LY75: variants seen among roughly 807,000 people sequenced by gnomAD.
LY75 encodes lymphocyte antigen 75.
A neutral mutation model predicts 231.7 loss-of-function variants in LY75; 185 were observed. The ratio of observed to expected loss-of-function variants is 0.80; its 90% confidence interval spans 0.71 to 0.90. The LOEUF (loss-of-function observed/expected upper bound fraction) is 0.90, where lower values mean the gene tolerates loss of function less well. LY75 is among the 40% of genes least tolerant of loss of function. The pLI, the probability that LY75 is intolerant of heterozygous loss-of-function variation, is 0.00. For synonymous variants in LY75, 668 were observed against 689.0 expected (o/e 0.97, Z 0.48); for missense variants, 1,947 against 2,050.2 (o/e 0.95, Z 0.97).
chr2:159,857,362 A>G (rs1176301086), intron 16 of LY75, among the ~76,000 whole-genome samples: 1 of 152,180 alleles, frequency 6.6e-6, no homozygotes, highest in Admixed American at 6.5e-5. Flanking sequence ...AGTTTCAATG[A>G]TCTGTTTACA....
At chr2:159,862,649 T>C (rs1345589549) in intron 14 of LY75, among the ~76,000 whole-genome samples, 2 of 144,776 alleles carry the variant, frequency 1.4e-5, no homozygotes, top group Non-Finnish European at 3.0e-5. Context: ...ATTTTAATGG[T>C]TGTATGATAC....
chr2:159,816,744 C>CA, intron 30 of LY75, 62 bp downstream of exon 30: 1 of 1,593,716 alleles, frequency 6.3e-7, no homozygotes. Context: ...ACTTTACGCT[C>CA]AAATTTCTAA....
At chr2:159,858,255 C>T (rs556428045) in intron 16 of LY75, 107 bp downstream of exon 16, 9 of 1,390,144 alleles carry the variant, frequency 6.5e-6, no homozygotes, top group African/African-American at 4.4e-5. Context: ...TCATCATAGG[C>T]TTTTAGACAT....
chr2:159,858,532 C>G, intron 15 of LY75, 56 bp from the exon 16 acceptor site: 2 of 1,544,130 alleles, frequency 1.3e-6, no homozygotes, highest in Non-Finnish European at 1.7e-6. Flanking sequence ...CCTTATGGAA[C>G]ACTAAACTGT....
intron 3 of LY75, among the ~76,000 whole-genome samples, chr2:159,893,491 A>G (rs758278964): frequency 6.6e-6 from 1 of 152,130 alleles, no homozygotes; most frequent in East Asian, 1.9e-4. Context: ...ATTTGTTGCA[A>G]TTTTGTCCTT....
chr2:159,810,623 CTCTT>C lies in LY75; in HGVS notation c.4598_4601del (p.Lys1533ArgfsTer42), dbSNP rs779850020. ...TGTACTGGATCCACCGTGACCCATT[CTCTT>C]TTGCTGCTGGACATCTTGATGAATA... is the stretch of plus-strand genomic sequence containing the variant. On this transcript the variant is annotated frameshift_variant, in exon 32 of 35. Coordinates refer to ENST00000263636, the MANE Select transcript of LY75 (RefSeq NM_002349.4). LOFTEE classifies it high-confidence loss of function. The C allele has an allele frequency of 2.5e-6, 4 of 1,614,058 alleles. No individual in the cohort carries two copies. In the African/African-American group the frequency reaches 5.3e-5, roughly 22 times the overall value.
chr2:159,892,093 T>C (rs1685776818), intron 3 of LY75, among the ~76,000 whole-genome samples: 1 of 152,150 alleles, frequency 6.6e-6, no homozygotes, highest in East Asian at 1.9e-4. Flanking sequence ...ACCTGGAAAC[T>C]TGCCAAATTT....
At chr2:159,820,516 T>C (rs1683253936) in intron 28 of LY75, among the ~76,000 whole-genome samples, 1 of 151,964 alleles carries the variant, frequency 6.6e-6, no homozygotes, top group Admixed American at 6.6e-5. Flanking sequence ...TACAATAGAC[T>C]CTGGGAACTC....
intron 28 of LY75, 98 bp from the exon 29 acceptor site, chr2:159,820,018 T>G (rs1442185634): frequency 4.1e-6 from 5 of 1,227,908 alleles, no homozygotes; most frequent in Non-Finnish European, 5.5e-6. Context: ...TTTTCTCTTT[T>G]CCCAACCTTC....
intron 31 of LY75, among the ~76,000 whole-genome samples, chr2:159,811,724 GCTGC>G (rs767398964): frequency 2.0e-5 from 3 of 152,146 alleles, no homozygotes; most frequent in African/African-American, 4.8e-5. Context: ...AGTTCCTTCT[GCTGC>G]TTCTCTATCT....
chr2:159,878,981 A>G (rs947042072), intron 9 of LY75, among the ~76,000 whole-genome samples: 4 of 152,134 alleles, frequency 2.6e-5, no homozygotes, highest in African/African-American at 9.7e-5. Context: ...TATTCACTGG[A>G]TGAATTATTT....
At chr2:159,886,034 C>T (rs3792201) in intron 5 of LY75, among the ~76,000 whole-genome samples, 27,146 of 151,992 alleles carry the variant, frequency 0.18, 2,716 homozygotes, top group East Asian at 0.32. Context: ...GGAGAGACCC[C>T]AAGAGTTTGA....
chr2:159,886,666 G>T, intron 4 of LY75, 136 bp from the exon 5 acceptor site: 1 of 799,174 alleles, frequency 1.3e-6, no homozygotes, highest in Non-Finnish European at 1.8e-6. Context: ...GGCTGTTTAT[G>T]CATCAAAGGT....
At chr2:159,822,365 G>A (rs187631488) in intron 28 of LY75, among the ~76,000 whole-genome samples, 115 of 152,346 alleles carry the variant, frequency 7.5e-4, no homozygotes, top group African/African-American at 2.5e-3. Flanking sequence ...AGTGGCATCC[G>A]CCATTGCTGA....
intron 1 of LY75, among the ~76,000 whole-genome samples, chr2:159,899,999 T>C (rs1686026109): frequency 6.6e-6 from 1 of 152,074 alleles, no homozygotes. Flanking sequence ...GTGGATCACC[T>C]AAGAAGGCTG....
chr2:159,836,730 T>C (rs1393069146), intron 25 of LY75, among the ~76,000 whole-genome samples: 2 of 152,204 alleles, frequency 1.3e-5, no homozygotes, highest in Admixed American at 6.5e-5. Context: ...GTTCCAGCTG[T>C]AATCCTAGCC....
At chr2:159,814,828 GA>G (rs1291236754) in intron 31 of LY75, among the ~76,000 whole-genome samples, 1 of 151,918 alleles carries the variant, frequency 6.6e-6, no homozygotes, top group Non-Finnish European at 1.5e-5. Flanking sequence ...CTCAGCCTTT[GA>G]AAAACATTGC....
chr2:159,812,278 T>A (rs1682983633), intron 31 of LY75: 2 of 139,616 alleles, frequency 1.4e-5, no homozygotes, highest in African/African-American at 5.3e-5. Context: ...AAGTTTTGCT[T>A]CCAACTCTTT....
chr2:159,868,599 C>T (rs548615077), intron 13 of LY75, among the ~76,000 whole-genome samples: 1 of 152,234 alleles, frequency 6.6e-6, no homozygotes, highest in East Asian at 1.9e-4. Context: ...ATAAAAATTT[C>T]CTTTCATGTT....
Sources: gnomAD v4.1 joint callset for allele counts (sites outside exome capture counted in the v4.1 genomes callset) on GRCh38, gnomAD v4.1.1 for gene constraint, MANE v1.5 for transcripts, NCBI Gene and HGNC (gene_info 2026-07-23, HGNC 2026-07-21) for gene names.